Variants in KIF19 observed in about 807,000 individuals in gnomAD.
The protein encoded by KIF19 is kinesin-like protein KIF19.
Under a neutral mutation model 106.6 loss-of-function variants are expected in KIF19, and 98 were observed. That is an observed-to-expected ratio of 0.92 (90% CI 0.78 to 1.09). KIF19 has a LOEUF of 1.09. Ranked by LOEUF, KIF19 falls within the 50% of genes least tolerant of loss-of-function variation. The probability of loss-of-function intolerance (pLI) is 0.00; values close to 1 mark genes in which losing one functional copy is unlikely to be tolerated. For synonymous variants in KIF19, 516 were observed against 584.2 expected (o/e 0.88, Z 1.68); for missense variants, 1,373 against 1,414.3 (o/e 0.97, Z 0.47).
chr17:74,339,830 G>GAGGAC (rs1313141941), intron 2 of KIF19, among the ~76,000 whole-genome samples: 1 of 152,222 alleles, frequency 6.6e-6, no homozygotes, highest in Non-Finnish European at 1.5e-5. Context: ...GGTGGTGCAT[G>GAGGAC]AGGACAGGGA....
At position 74,344,249 on chromosome 17, in the gene KIF19, G is replaced by T. The variant is rs1305388001; in HGVS notation, c.483G>T (p.Leu161=). The T allele has an allele frequency of 6.2e-7, 1 of 1,612,864 alleles. No individual in the cohort carries two copies. The highest frequency in any genetic ancestry group is 1.1e-5 in the South Asian group (1 of 91,058). The change falls in exon 6 of 20, where the codon CTG becomes CTT. Residue 161 remains leucine (L), a synonymous_variant. Transcript: ENST00000389916. ...TCTACAATGAGATGATCCGGGACCT[G>T]CTGAACCCCTCCCTGGGCTACCTGG... ...LEIYNEMIRD[L]LNPSLGYLEL...
At chr17:74,355,040 C>T (rs1398564936) in intron 19 of KIF19, 99 bp downstream of exon 19, 5 of 1,549,832 alleles carry the variant, frequency 3.2e-6, no homozygotes, top group Non-Finnish European at 4.4e-6. Context: ...CTGCCCCTTG[C>T]TGGAAGCATG....
At chr17:74,342,984 C>CCCCCCCCCCCCG in intron 4 of KIF19, 40 bp from the exon 5 acceptor site, 1 of 1,547,838 alleles carries the variant, frequency 6.5e-7, no homozygotes, top group Non-Finnish European at 8.7e-7. Flanking sequence ...GCCTCCCTCC[C>CCCCCCCCCCCCG]AGCCCCACCC....
At chr17:74,342,979 C>T (rs2054426262) in intron 4 of KIF19, 45 bp from the exon 5 acceptor site, 1 of 1,538,346 alleles carries the variant, frequency 6.5e-7, no homozygotes, top group African/African-American at 1.4e-5. Flanking sequence ...GCAAGGCCTC[C>T]CTCCCAGCCC....
In KIF19 at chr17:74,355,665, G is replaced by C. The variant is rs1490878573; in HGVS notation, c.*353G>C. 2 of 202,774 alleles carry C rather than the reference G, an allele frequency of 9.9e-6. No individual in the cohort carries two copies. Among genetic ancestry groups the C allele is most frequent in the African/African-American group, 4.6e-5 (2 of 43,718 alleles). 12.6% of individuals were successfully genotyped at this position (202,774 alleles called of 1,614,324 possible). A position where few individuals can be genotyped will look rare whatever the true frequency, so the allele number is the denominator to read the frequency against. On this transcript the variant is annotated 3_prime_UTR_variant, in exon 20 of 20. Transcript: ENST00000389916. ...GAGACGGGGCTCCTGGCCCACGTGTGGGGCACGGGCATCCTGGATGGTTGG... is the reference window on the plus strand; with the variant it reads ...GAGACGGGGCTCCTGGCCCACGTGTCGGGCACGGGCATCCTGGATGGTTGG...
intron 2 of KIF19, among the ~76,000 whole-genome samples, chr17:74,334,281 G>T (rs1352104934): frequency 6.6e-6 from 1 of 152,174 alleles, no homozygotes; most frequent in Admixed American, 6.5e-5. Context: ...CTCAGCATCT[G>T]GATGGATACA....
chr17:74,339,567 G>A (rs1198170145), intron 2 of KIF19, among the ~76,000 whole-genome samples: 6 of 148,726 alleles, frequency 4.0e-5, no homozygotes, highest in Non-Finnish European at 8.9e-5. Flanking sequence ...TACCTCCCTC[G>A]CCCCCTTCCC....
intron 2 of KIF19, among the ~76,000 whole-genome samples, chr17:74,338,835 C>T (rs544699529): frequency 6.6e-6 from 1 of 151,964 alleles, no homozygotes. Flanking sequence ...CCATGGAGCC[C>T]GGCTGTGCTC....
At chr17:74,349,467 C>A in intron 10 of KIF19, 118 bp downstream of exon 10, 1 of 1,025,244 alleles carries the variant, frequency 9.8e-7, no homozygotes, top group Non-Finnish European at 1.4e-6. Flanking sequence ...GGTGGTTGAG[C>A]TAGGCACTCA....
Position 74,350,895 on chromosome 17 carries a change from G to T in KIF19, c.1577G>T (p.Arg526Leu), listed in dbSNP as rs372471745. 5.0e-6 allele frequency: 8 copies of T among 1,613,664 alleles called. No homozygotes were observed. In the South Asian group the frequency reaches 5.5e-5, roughly 11 times the overall value. ...CTGGTGGACGAGCAGAAGCAACTGC[G>T]CAAGCAGAAGGTGTCCAGGGTTTGG... The part of the protein sequence containing the change: ...AALVDEQKQL[R>L]KQKLALEQRC... Residue 526 changes from arginine to leucine, a missense_variant, in exon 12 of 20, where the codon CGC becomes CTC. Physicochemically the swap from Arg to Leu is moderately radical, Grantham distance 102. This residue lies in a region of KIF19 where 1,020 missense variants were observed against 1,008.2 expected (regional missense o/e 1.01). Coordinates refer to ENST00000389916, the MANE Select transcript of KIF19 (RefSeq NM_153209.4).
intron 2 of KIF19, among the ~76,000 whole-genome samples, chr17:74,334,755 CAAACAGAAACAG>C (rs376603531): frequency 3.9e-5 from 6 of 152,158 alleles, no homozygotes; most frequent in East Asian, 1.9e-4. Flanking sequence ...AACAAACAAA[CAAACAGAAACAG>C]AAACAGAAAC....
chr17:74,337,975 C>G (rs1052055590), intron 2 of KIF19, among the ~76,000 whole-genome samples: 2 of 152,254 alleles, frequency 1.3e-5, no homozygotes. Context: ...AGACAAAGCC[C>G]TCTTTAAGCG....
chr17:74,351,019 GC>G, intron 12 of KIF19, 114 bp downstream of exon 12: 1 of 1,035,084 alleles, frequency 9.7e-7, no homozygotes, highest in African/African-American at 1.6e-5. Flanking sequence ...GGGAACTCAG[GC>G]CACAAATCCT....
chr17:74,354,723 A>T, intron 18 of KIF19, 59 bp from the exon 19 acceptor site: 1 of 1,533,358 alleles, frequency 6.5e-7, no homozygotes. Flanking sequence ...GCTGGGACAG[A>T]TCCTGGTAGC....
chr17:74,331,724 G>A lies in KIF19; in HGVS notation c.120+3219G>A, dbSNP rs1320579183. On this transcript the variant is annotated intron_variant, in intron 2 of 19. Coordinates refer to ENST00000389916, the MANE Select transcript of KIF19 (RefSeq NM_153209.4). This position sits in a 1 kb window ranked among gnomAD's most constrained non-coding sequence, Gnocchi z 4.1. ...CCCATGTAGCTGGGATTACGGGCGC[G>A]CGCCACCGTGCCCAGCTAATTTTTG... is the stretch of plus-strand genomic sequence containing the variant. Among the ~76,000 whole-genome samples the A allele has an allele frequency of 8.6e-5, 13 of 151,854 alleles. No individual in the cohort carries two copies. The highest frequency in any genetic ancestry group is 2.7e-4 in the African/African-American group (11 of 41,334).
intron 2 of KIF19, 115 bp downstream of exon 2, chr17:74,328,620 C>T (rs1010523426): frequency 2.6e-6 from 2 of 783,502 alleles, no homozygotes; most frequent in Non-Finnish European, 4.1e-6. Context: ...TTCCTCTACT[C>T]ACTGAACTCT....
At chr17:74,333,917 G>T (rs73362536) in intron 2 of KIF19, among the ~76,000 whole-genome samples, 1,869 of 133,534 alleles carry the variant, frequency 0.014, 39 homozygotes, top group African/African-American at 0.051. Context: ...TTGAATTCCT[G>T]GGCTCAAAGG....
chr17:74,342,250 A>G (rs2054400151), intron 3 of KIF19, among the ~76,000 whole-genome samples: 1 of 152,178 alleles, frequency 6.6e-6, no homozygotes, highest in Non-Finnish European at 1.5e-5. Flanking sequence ...TGAGCTGGAA[A>G]AGGAGCTTGA....
intron 2 of KIF19, among the ~76,000 whole-genome samples, chr17:74,334,088 GTGCTGGGAT>G (rs1411619080): frequency 6.6e-6 from 1 of 152,058 alleles, no homozygotes; most frequent in Non-Finnish European, 1.5e-5. Context: ...GCCTCCCAAA[GTGCTGGGAT>G]TGCAGGTGTG....
Sources: gnomAD v4.1 joint callset for allele counts (sites outside exome capture counted in the v4.1 genomes callset) on GRCh38, gnomAD v4.1.1 for gene constraint, gnomAD v4.1.1 regional missense constraint, Gnocchi (gnomAD v3.1) non-coding constraint, MANE v1.5 for transcripts, NCBI Gene and HGNC (gene_info 2026-07-23, HGNC 2026-07-21) for gene names.